The following NBEA variants were observed in gnomAD, a reference collection of about 807,000 sequenced individuals.
NBEA encodes the protein neurobeachin, also known as lysosomal-trafficking regulator 2.
NBEA carries 44 observed loss-of-function variants against 343.4 expected under a neutral mutation model. The ratio of observed to expected loss-of-function variants is 0.13; its 90% confidence interval spans 0.10 to 0.16. The LOEUF (loss-of-function observed/expected upper bound fraction) is 0.16, where lower values mean the gene tolerates loss of function less well. NBEA is among the 10% of genes least tolerant of loss of function. NBEA has a pLI of 1.00. For missense variants in NBEA, 2,555 were observed against 3,631.3 expected, an observed-to-expected ratio of 0.70 and a Z score of 7.62; for synonymous variants, 1,175 against 1,238.7, an observed-to-expected ratio of 0.95 and a Z score of 1.08.
chr13:35,510,621 A>C (rs2152986316), intron 41 of NBEA, among the ~76,000 whole-genome samples: 1 of 152,316 alleles, frequency 6.6e-6, no homozygotes, highest in South Asian at 2.1e-4. Context: ...TCAACTTGCA[A>C]AGGAATAAAA....
intron 55 of NBEA, among the ~76,000 whole-genome samples, chr13:35,662,159 C>G (rs578125586): frequency 6.6e-6 from 1 of 152,290 alleles, no homozygotes; most frequent in South Asian, 2.1e-4. Context: ...ATTGAAATGA[C>G]CTTTGATAAA....
At chr13:35,603,237 A>G (rs779552590) in intron 47 of NBEA, among the ~76,000 whole-genome samples, 1 of 152,166 alleles carries the variant, frequency 6.6e-6, no homozygotes, top group Admixed American at 6.5e-5. Flanking sequence ...TTCATCCAAT[A>G]TCTTTAATAG....
intron 10 of NBEA, among the ~76,000 whole-genome samples, chr13:35,083,305 G>A (rs1229683954): frequency 6.6e-6 from 1 of 152,096 alleles, no homozygotes; most frequent in Non-Finnish European, 1.5e-5. Context: ...GTACCATGCT[G>A]TTTTGCTTAC....
intron 49 of NBEA, among the ~76,000 whole-genome samples, chr13:35,637,045 C>T (rs1282069280): frequency 6.6e-6 from 1 of 152,144 alleles, no homozygotes; most frequent in Non-Finnish European, 1.5e-5. Flanking sequence ...GTCATTCCTA[C>T]CCCAACATGT....
chr13:35,584,406 A>G (rs748862610), intron 46 of NBEA, among the ~76,000 whole-genome samples: 1 of 151,136 alleles, frequency 6.6e-6, no homozygotes, highest in Non-Finnish European at 1.5e-5. Context: ...GCAGCCTTGA[A>G]CCCCTGGGCT....
At chr13:35,205,967 G>GAAGGTAGAATTCTAACCCGGGTCTGT (rs2073368538) in intron 31 of NBEA, among the ~76,000 whole-genome samples, 1 of 152,046 alleles carries the variant, frequency 6.6e-6, no homozygotes, top group African/African-American at 2.4e-5. Context: ...AGTAACTGCT[G>GAAGGTAGAATTCTAACCCGGGTCTGT]AAGGTAGAAT....
In NBEA at chr13:34,942,915, G is replaced by A. The variant is rs1184957758; in HGVS notation, c.95G>A (p.Ser32Asn). 2.0e-6 allele frequency: 3 copies of A among 1,511,600 alleles called. No individual in the cohort carries two copies. Among genetic ancestry groups the A allele is most frequent in the South Asian group, 1.3e-5 (1 of 79,862 alleles). The allele number at this position is 1,511,600 out of a possible 1,614,324, so 93.6% of individuals were successfully genotyped here. ...GCCGCTGGCGGAGGCGGCGGGGGCA[G>A]CGGTGGTGGCGGCACCGGGGGCAGC... ...VGAAGGGGGG[S>N]GGGGTGGSGM... is the part of the protein sequence containing the mutation. The change falls in exon 1 of 59, where the codon AGC (serine) becomes AAC (asparagine). Residue 32 changes from serine to asparagine, a missense_variant. This residue lies in a region of NBEA where 122 missense variants were observed against 91.0 expected (regional missense o/e 1.34). Coordinates refer to ENST00000379939, the MANE Select transcript of NBEA (RefSeq NM_001385012.1).
At chr13:35,350,728 A>ATGTGTGTGTG (rs34088295) in intron 37 of NBEA, among the ~76,000 whole-genome samples, 22 of 137,844 alleles carry the variant, frequency 1.6e-4, no homozygotes, top group Non-Finnish European at 2.4e-4. Flanking sequence ...AGAGCTATTG[A>ATGTGTGTGTG]TGTGTGTGTG....
chr13:35,501,707 TAA>T (rs2076892865), intron 41 of NBEA, among the ~76,000 whole-genome samples: 1 of 152,156 alleles, frequency 6.6e-6, no homozygotes, highest in Non-Finnish European at 1.5e-5. Context: ...TTATCTTTCT[TAA>T]AACAGTTAAT....
chr13:34,993,500 G>A (rs2060833140), intron 1 of NBEA, among the ~76,000 whole-genome samples: 1 of 152,206 alleles, frequency 6.6e-6, no homozygotes, highest in African/African-American at 2.4e-5. Flanking sequence ...GAGATGAATT[G>A]CTTATTCAGG....
intron 36 of NBEA, among the ~76,000 whole-genome samples, chr13:35,312,122 A>G (rs2037409990): frequency 3.9e-5 from 6 of 152,236 alleles, no homozygotes; most frequent in Admixed American, 2.0e-4. Context: ...TAAGATATAA[A>G]TGATTCCAGT....
intron 39 of NBEA, among the ~76,000 whole-genome samples, chr13:35,436,379 T>C (rs1362415298): frequency 6.6e-6 from 1 of 152,192 alleles, no homozygotes; most frequent in Admixed American, 6.5e-5. Flanking sequence ...TTCCTCTGTG[T>C]TAAATAATGA....
chr13:35,302,889 A>T (rs933993033), intron 35 of NBEA, among the ~76,000 whole-genome samples: 6 of 152,206 alleles, frequency 3.9e-5, no homozygotes, highest in African/African-American at 1.4e-4. Context: ...TAATGTGCAC[A>T]TAAAACACAT....
intron 34 of NBEA, among the ~76,000 whole-genome samples, chr13:35,278,272 A>G (rs1396701556): frequency 4.6e-5 from 7 of 152,016 alleles, no homozygotes; most frequent in South Asian, 4.1e-4. Context: ...AAATTTGAAC[A>G]ATGGAAGAAA....
At chr13:35,375,800 T>G (rs1303776214) in intron 38 of NBEA, among the ~76,000 whole-genome samples, 1 of 152,266 alleles carries the variant, frequency 6.6e-6, no homozygotes, top group East Asian at 1.9e-4. Flanking sequence ...GTCAGAAATA[T>G]TAGGGAATTT....
intron 33 of NBEA, among the ~76,000 whole-genome samples, chr13:35,225,110 CT>C (rs1265894279): frequency 1.3e-5 from 2 of 152,136 alleles, no homozygotes; most frequent in Non-Finnish European, 2.9e-5. Context: ...TATGTAGTCC[CT>C]TCTGCAATAG....
intron 1 of NBEA, among the ~76,000 whole-genome samples, chr13:34,991,552 A>G (rs894666320): frequency 5.3e-5 from 8 of 152,186 alleles, no homozygotes; most frequent in African/African-American, 1.9e-4. Context: ...CCTATGACCC[A>G]GTCACCTCCC....
intron 41 of NBEA, among the ~76,000 whole-genome samples, chr13:35,492,792 A>G (rs1403277816): frequency 6.6e-6 from 1 of 151,822 alleles, no homozygotes; most frequent in East Asian, 1.9e-4. Context: ...TTCTCTTGGC[A>G]CTTAAAGCAC....
chr13:35,502,778 C>T (rs979528630), intron 41 of NBEA, among the ~76,000 whole-genome samples: 2 of 152,038 alleles, frequency 1.3e-5, no homozygotes, highest in African/African-American at 4.8e-5. Flanking sequence ...ATGTCTGATA[C>T]AGTACGTGGG....
Sources: gnomAD v4.1 joint callset for allele counts (sites outside exome capture counted in the v4.1 genomes callset) on GRCh38, gnomAD v4.1.1 for gene constraint, gnomAD v4.1.1 regional missense constraint, MANE v1.5 for transcripts, NCBI Gene and HGNC (gene_info 2026-07-23, HGNC 2026-07-21) for gene names.